The following SAMD4A variants were observed in gnomAD, a reference collection of about 807,000 sequenced individuals.
The protein encoded by SAMD4A is protein Smaug homolog 1.
SAMD4A carries 33 observed loss-of-function variants against 81.3 expected under a neutral mutation model. The ratio of observed to expected loss-of-function variants is 0.41; its 90% confidence interval spans 0.31 to 0.54. The LOEUF is 0.54. Ranked by LOEUF, SAMD4A falls within the 20% of genes least tolerant of loss-of-function variation. SAMD4A has a pLI of 0.37. For missense variants in SAMD4A, 854 were observed against 951.1 expected (o/e 0.90, Z 1.34); for synonymous variants, 389 against 382.1 (o/e 1.02, Z -0.21).
intron 2 of SAMD4A, among the ~76,000 whole-genome samples, chr14:54,632,089 A>G (rs1202413490): frequency 6.6e-6 from 1 of 152,190 alleles, no homozygotes; most frequent in African/African-American, 2.4e-5. Flanking sequence ...AGCTAGTACA[A>G]TAAACATGCA....
rs1047468975 is a variant in SAMD4A at position 54,630,922 on chromosome 14, G to A, written c.196+62810G>A. On this transcript the variant is annotated intron_variant, in intron 2 of 12. Coordinates refer to ENST00000554335, the MANE Select transcript of SAMD4A (RefSeq NM_015589.6). ...TTGTATTTTATATGTGTGTGTGTGTGTGTGTGTGTGTGTGTGTGTGTGTGT... is the reference window on the plus strand; with the variant it reads ...TTGTATTTTATATGTGTGTGTGTGTATGTGTGTGTGTGTGTGTGTGTGTGT... Among the ~76,000 whole-genome samples, 202 of 148,432 alleles carry A rather than the reference G, an allele frequency of 1.4e-3. 1 individual carries two copies. The highest frequency in any genetic ancestry group is 1.8e-3 in the Admixed American group (27 of 14,990).
intron 2 of SAMD4A, among the ~76,000 whole-genome samples, chr14:54,581,593 T>C (rs936002588): frequency 3.9e-5 from 6 of 152,250 alleles, no homozygotes; most frequent in African/African-American, 1.4e-4. Context: ...GTGTCCATGC[T>C]AAAGAATTTC....
chr14:54,778,124 T>G (rs2038906827), intron 11 of SAMD4A, among the ~76,000 whole-genome samples: 2 of 152,248 alleles, frequency 1.3e-5, no homozygotes, highest in Admixed American at 1.3e-4. Flanking sequence ...GAGTGACCAC[T>G]GTCTTCAATT....
chr14:54,760,058 A>G, intron 6 of SAMD4A, 103 bp from the exon 7 acceptor site: 1 of 1,191,616 alleles, frequency 8.4e-7, no homozygotes. Flanking sequence ...GGGTACCAGC[A>G]GCCACGAATC....
intron 3 of SAMD4A, among the ~76,000 whole-genome samples, chr14:54,728,144 A>G (rs994875057): frequency 6.6e-6 from 1 of 152,210 alleles, no homozygotes; most frequent in Non-Finnish European, 1.5e-5. Flanking sequence ...ACTGATTTAT[A>G]ATACCCAAGT....
At chr14:54,687,767 T>TG (rs900550770) in intron 2 of SAMD4A, among the ~76,000 whole-genome samples, 3 of 152,108 alleles carry the variant, frequency 2.0e-5, no homozygotes, top group Non-Finnish European at 4.4e-5. Flanking sequence ...TTTGGGGGAA[T>TG]GGGAGGGTAA....
At chr14:54,777,312 T>C (rs749222331) in intron 11 of SAMD4A, among the ~76,000 whole-genome samples, 1 of 152,164 alleles carries the variant, frequency 6.6e-6, no homozygotes, top group East Asian at 1.9e-4. Flanking sequence ...TGTAGGAGTT[T>C]AAAGAAGAGA....
chr14:54,594,396 C>T (rs1209183171), intron 2 of SAMD4A, among the ~76,000 whole-genome samples: 3 of 150,348 alleles, frequency 2.0e-5, no homozygotes, highest in African/African-American at 7.4e-5. Context: ...ACACTCCAGT[C>T]TGGGTGACAG....
intron 2 of SAMD4A, among the ~76,000 whole-genome samples, chr14:54,602,897 C>T (rs375419185): frequency 6.6e-6 from 1 of 152,180 alleles, no homozygotes; most frequent in African/African-American, 2.4e-5. Flanking sequence ...CACTGGGGAC[C>T]AGTATCAAGG....
At chr14:54,644,894 G>A (rs993414426) in intron 2 of SAMD4A, among the ~76,000 whole-genome samples, 5 of 152,028 alleles carry the variant, frequency 3.3e-5, no homozygotes, top group Admixed American at 6.6e-5. Flanking sequence ...CTGGGCCTCC[G>A]TTTCTTCATT....
Position 54,788,941 on chromosome 14 carries a change from C to T in SAMD4A, c.2154C>T (p.Ile718=), listed in dbSNP as rs776695123. 5.0e-6 allele frequency: 8 copies of T among 1,614,174 alleles called. No homozygotes were observed. The highest frequency in any genetic ancestry group is 6.8e-6 in the Non-Finnish European group (8 of 1,180,000). The change falls in exon 13 of 13, where the codon ATC becomes ATT. Residue 718 remains isoleucine, a synonymous_variant. Coordinates refer to ENST00000554335, the MANE Select transcript of SAMD4A (RefSeq NM_015589.6). ...ACGGGGTTGACCGGACCTCCACCAT[C>T]TAGAAGCTGAAGACGAGAGTGACCG... ...LGDGVDRTST[I] is the part of the protein sequence containing the mutation.
At chr14:54,603,143 C>A (rs562818188) in intron 2 of SAMD4A, among the ~76,000 whole-genome samples, 1 of 152,188 alleles carries the variant, frequency 6.6e-6, no homozygotes, top group African/African-American at 2.4e-5. Context: ...CACACTGGGG[C>A]CACAAGATGC....
chr14:54,732,185 C>T (rs946525176), intron 3 of SAMD4A, among the ~76,000 whole-genome samples: 2 of 152,056 alleles, frequency 1.3e-5, no homozygotes, highest in African/African-American at 2.4e-5. Flanking sequence ...TCGGGGTCCC[C>T]ATTAAAACCA....
chr14:54,568,045 C>T lies in SAMD4A; in HGVS notation c.129C>T (p.Leu43=), dbSNP rs2032992268. ...VSQTQARFLQ[L]CLEHSLADCA... Reference sequence around the variant, plus strand: ...AGACCCAGGCCCGCTTCCTCCAGCTCTGCCTGGAGCACTCGCTGGCCGACT... The same window carrying T: ...AGACCCAGGCCCGCTTCCTCCAGCTTTGCCTGGAGCACTCGCTGGCCGACT... The change falls in exon 2 of 13, where the codon CTC becomes CTT. Residue 43 remains leucine (L), a synonymous_variant. Coordinates refer to ENST00000554335, the MANE Select transcript of SAMD4A (RefSeq NM_015589.6). 6.3e-7 allele frequency: 1 copy of T among 1,598,848 alleles called. No homozygotes were observed. The highest frequency in any genetic ancestry group is 8.5e-7 in the Non-Finnish European group (1 of 1,177,754).
In SAMD4A at chr14:54,649,404, T is replaced by C. The variant is rs533455975; in HGVS notation, c.197-52658T>C. Among the ~76,000 whole-genome samples, 13 of 152,354 alleles carry C rather than the reference T, an allele frequency of 8.5e-5. No homozygotes were observed. The East Asian group carries it at 2.3e-3, about 27-fold the overall frequency. On this transcript the variant is annotated intron_variant, in intron 2 of 12. Coordinates refer to ENST00000554335, the MANE Select transcript of SAMD4A (RefSeq NM_015589.6). ...GGAGAGAAACACGCCATTCTGCTTA[T>C]ACTGTCGTTGAAGCTGCAAAGCTAT...
At chr14:54,777,137 T>C (rs1237366003) in intron 11 of SAMD4A, among the ~76,000 whole-genome samples, 1 of 152,132 alleles carries the variant, frequency 6.6e-6, no homozygotes, top group East Asian at 1.9e-4. Flanking sequence ...TTGTAGACTT[T>C]GTAGACTCCA....
intron 2 of SAMD4A, among the ~76,000 whole-genome samples, chr14:54,685,480 G>A (rs546980345): frequency 1.3e-4 from 20 of 152,286 alleles, no homozygotes; most frequent in African/African-American, 3.4e-4. Flanking sequence ...TGTATATTCC[G>A]CATGTTGTTT....
At chr14:54,776,876 G>A (rs2038865927) in intron 11 of SAMD4A, among the ~76,000 whole-genome samples, 1 of 152,028 alleles carries the variant, frequency 6.6e-6, no homozygotes, top group Non-Finnish European at 1.5e-5. Flanking sequence ...GTGTGTGTGT[G>A]TGTGTGGAAA....
At chr14:54,762,138 C>A (rs144113232) in intron 7 of SAMD4A, among the ~76,000 whole-genome samples, 1 of 152,160 alleles carries the variant, frequency 6.6e-6, no homozygotes, top group Non-Finnish European at 1.5e-5. Context: ...TGGGTAAGAG[C>A]GCCCCTTTCT....
Sources: gnomAD v4.1 joint callset for allele counts (sites outside exome capture counted in the v4.1 genomes callset) on GRCh38, gnomAD v4.1.1 for gene constraint, MANE v1.5 for transcripts, NCBI Gene and HGNC (gene_info 2026-07-23, HGNC 2026-07-21) for gene names.